Variants in PTPRJ observed in about 807,000 individuals in gnomAD.
The protein encoded by PTPRJ is protein tyrosine phosphatase receptor type J.
A neutral mutation model predicts 141.3 loss-of-function variants in PTPRJ; 129 were observed. That is an observed-to-expected ratio of 0.91 (90% confidence interval 0.79 to 1.06). PTPRJ has a LOEUF of 1.06. PTPRJ is among the 50% of genes least tolerant of loss of function. The pLI, the probability that PTPRJ is intolerant of heterozygous loss-of-function variation, is 0.00. For synonymous variants in PTPRJ, 610 were observed against 640.5 expected, an observed-to-expected ratio of 0.95 and a Z score of 0.72; for missense variants, 1,601 against 1,679.7, an observed-to-expected ratio of 0.95 and a Z score of 0.82.
intron 6 of PTPRJ, among the ~76,000 whole-genome samples, chr11:48,126,605 AGGGCGTGGTTTCTCTCC>A (rs1159440300): frequency 6.6e-6 from 1 of 151,892 alleles, no homozygotes; most frequent in Admixed American, 6.6e-5. Flanking sequence ...TGAAGGGGTG[AGGGCGTGGTTTCTCTCC>A]AGCCTTTTTG....
chr11:48,010,908 G>A (rs1854766626), intron 1 of PTPRJ, among the ~76,000 whole-genome samples: 1 of 151,962 alleles, frequency 6.6e-6, no homozygotes. Flanking sequence ...TTGAATTCCT[G>A]AGCCCAAGTC....
At chr11:48,122,488 T>A (rs1014518793) in intron 4 of PTPRJ, among the ~76,000 whole-genome samples, 1 of 152,182 alleles carries the variant, frequency 6.6e-6, no homozygotes, top group African/African-American at 2.4e-5. Context: ...CTGTCCTTAA[T>A]GTTATTTTGT....
chr11:48,022,615 C>T (rs1853683919), intron 1 of PTPRJ, among the ~76,000 whole-genome samples: 1 of 152,110 alleles, frequency 6.6e-6, no homozygotes, highest in Non-Finnish European at 1.5e-5. Flanking sequence ...GCTGATTTCA[C>T]ACCTGTAAAA....
At chr11:48,065,537 T>A (rs76583296) in intron 1 of PTPRJ, among the ~76,000 whole-genome samples, 1 of 152,236 alleles carries the variant, frequency 6.6e-6, no homozygotes, top group African/African-American at 2.4e-5. Context: ...GTATATCCTC[T>A]GTTAGATTAA....
At chr11:48,070,493 C>G (rs1290000199) in intron 1 of PTPRJ, among the ~76,000 whole-genome samples, 1 of 135,682 alleles carries the variant, frequency 7.4e-6, no homozygotes, top group African/African-American at 2.8e-5. Flanking sequence ...AGGCAAGACT[C>G]TGTCTCCAAA....
chr11:47,981,900 T>C (rs559835697), intron 1 of PTPRJ, among the ~76,000 whole-genome samples: 1 of 152,308 alleles, frequency 6.6e-6, no homozygotes, highest in Non-Finnish European at 1.5e-5. Context: ...TCTTAGCCTC[T>C]GGAGCCTGTT....
chr11:48,120,899 T>G (rs952879117), intron 3 of PTPRJ, 104 bp from the exon 4 acceptor site: 1 of 1,089,522 alleles, frequency 9.2e-7, no homozygotes, highest in Non-Finnish European at 1.3e-6. Flanking sequence ...GATAAAACTC[T>G]GTGATTGGAA....
intron 1 of PTPRJ, among the ~76,000 whole-genome samples, chr11:48,052,522 G>C (rs1363779244): frequency 6.6e-6 from 1 of 152,172 alleles, no homozygotes; most frequent in Non-Finnish European, 1.5e-5. Flanking sequence ...TTTCCACCTT[G>C]CTTGACAAAG....
Position 48,153,903 on chromosome 11 carries a change from A to G in PTPRJ, c.3229+17A>G. The G allele has an allele frequency of 1.3e-6, 2 of 1,543,286 alleles. No individual in the cohort carries two copies. Among genetic ancestry groups the G allele is most frequent in the Non-Finnish European group, 1.8e-6 (2 of 1,115,686 alleles). On this transcript the variant is annotated intron_variant, in intron 19 of 24. Coordinates refer to ENST00000418331, the MANE Select transcript of PTPRJ (RefSeq NM_002843.4). Reference sequence around the variant, plus strand: ...TTCTGCCCTGTAAGTTATTTTATCTACAGCATCTTCTCTGTGTTCCATCAG... The same window carrying G: ...TTCTGCCCTGTAAGTTATTTTATCTGCAGCATCTTCTCTGTGTTCCATCAG...
intron 1 of PTPRJ, among the ~76,000 whole-genome samples, chr11:47,982,022 G>T (rs1853923724): frequency 6.6e-6 from 1 of 152,240 alleles, no homozygotes; most frequent in Non-Finnish European, 1.5e-5. Context: ...TGAGTTATTG[G>T]CTGGGGATGG....
intron 1 of PTPRJ, among the ~76,000 whole-genome samples, chr11:48,039,838 G>A (rs1312997163): frequency 6.6e-6 from 1 of 151,738 alleles, no homozygotes; most frequent in Non-Finnish European, 1.5e-5. Context: ...ATCCAGGCTG[G>A]GGTGCAGTAG....
intron 3 of PTPRJ, among the ~76,000 whole-genome samples, chr11:48,120,681 C>T (rs1440275995): frequency 1.3e-5 from 2 of 151,998 alleles, no homozygotes; most frequent in African/African-American, 4.8e-5. Context: ...TCAGGTGATC[C>T]ACCCGCCTTG....
intron 24 of PTPRJ, among the ~76,000 whole-genome samples, chr11:48,166,807 G>A (rs1590576765): frequency 6.6e-6 from 1 of 152,220 alleles, no homozygotes; most frequent in Non-Finnish European, 1.5e-5. Flanking sequence ...CTCGCTCCTC[G>A]GTTGAGCATT....
At chr11:48,121,400 T>C (rs1320207429) in intron 4 of PTPRJ, 134 bp downstream of exon 4, 3 of 1,011,268 alleles carry the variant, frequency 3.0e-6, no homozygotes, top group Non-Finnish European at 4.3e-6. Context: ...AGGTGCTATG[T>C]TGTTTCAAGC....
chr11:48,005,431 G>A (rs1854597562), intron 1 of PTPRJ, among the ~76,000 whole-genome samples: 1 of 152,134 alleles, frequency 6.6e-6, no homozygotes. Flanking sequence ...TGTATTTCAT[G>A]TGAGTAGAAT....
At chr11:48,160,433 A>G (rs1171920254) in intron 22 of PTPRJ, among the ~76,000 whole-genome samples, 1 of 152,220 alleles carries the variant, frequency 6.6e-6, no homozygotes, top group African/African-American at 2.4e-5. Flanking sequence ...TGTTAGGAGT[A>G]ATTGATAACA....
Position 47,980,658 on chromosome 11 carries a change from C to G in PTPRJ, c.-255C>G, listed in dbSNP as rs1470821345. 1 of 985,472 alleles carries G rather than the reference C, an allele frequency of 1.0e-6. No individual in the cohort carries two copies. The highest frequency in any genetic ancestry group is 1.8e-5 in the African/African-American group (1 of 56,914). The allele number at this position is 985,472 out of a possible 1,614,324, so 61.0% of individuals were successfully genotyped here. On this transcript the variant is annotated 5_prime_UTR_variant, in exon 1 of 25. Transcript: ENST00000418331. ...GGGGTGGGCGCCGCTCGCTCCGCCC[C>G]GCGAAGCCCCTGCGCGCTCAGGGAC...
intron 15 of PTPRJ, among the ~76,000 whole-genome samples, chr11:48,148,711 A>T (rs529642641): frequency 4.6e-5 from 7 of 152,186 alleles, no homozygotes; most frequent in Non-Finnish European, 8.8e-5. Context: ...CTGGGATTAC[A>T]GGCATCAGCC....
intron 1 of PTPRJ, among the ~76,000 whole-genome samples, chr11:47,992,204 C>T (rs185935997): frequency 3.5e-4 from 53 of 151,808 alleles, no homozygotes; most frequent in African/African-American, 9.7e-4. Flanking sequence ...GACATAGTCT[C>T]GCCCTGTCAC....
Sources: gnomAD v4.1 joint callset for allele counts (sites outside exome capture counted in the v4.1 genomes callset) on GRCh38, gnomAD v4.1.1 for gene constraint, MANE v1.5 for transcripts, NCBI Gene and HGNC (gene_info 2026-07-23, HGNC 2026-07-21) for gene names.